The following NPAS3 variants were observed in gnomAD, a reference collection of about 807,000 sequenced individuals.
NPAS3 encodes the protein neuronal PAS domain protein 3.
NPAS3 carries 14 observed loss-of-function variants against 73.1 expected under a neutral mutation model. The observed-to-expected ratio is 0.19, with a 90% CI of 0.13 to 0.30. The LOEUF (loss-of-function observed/expected upper bound fraction) is 0.30, where lower values mean the gene tolerates loss of function less well. Ranked by LOEUF, NPAS3 falls within the 10% of genes least tolerant of loss-of-function variation. The pLI, the probability that NPAS3 is intolerant of heterozygous loss-of-function variation, is 1.00. For synonymous variants in NPAS3, 620 were observed against 541.5 expected, an observed-to-expected ratio of 1.14 and a Z score of -2.01; for missense variants, 1,096 against 1,250.0, an observed-to-expected ratio of 0.88 and a Z score of 1.86.
intron 1 of NPAS3, among the ~76,000 whole-genome samples, chr14:32,962,383 C>T (rs74671604): frequency 0.022 from 3,409 of 151,858 alleles, 103 homozygotes; most frequent in African/African-American, 0.078. Flanking sequence ...ACTTAATAAG[C>T]CATTAATAAA....
At chr14:33,789,530 G>A (rs1345900224) in intron 9 of NPAS3, among the ~76,000 whole-genome samples, 1 of 148,190 alleles carries the variant, frequency 6.7e-6, no homozygotes, top group East Asian at 2.1e-4. Flanking sequence ...TCTAAGAAGA[G>A]GTCATTTAAA....
intron 4 of NPAS3, among the ~76,000 whole-genome samples, chr14:33,390,680 C>A (rs2046963910): frequency 6.6e-6 from 1 of 152,118 alleles, no homozygotes; most frequent in Admixed American, 6.5e-5. Context: ...TTAATCTTTG[C>A]CTGGACTATA....
At chr14:33,513,025 G>C (rs1328936662) in intron 4 of NPAS3, among the ~76,000 whole-genome samples, 1 of 151,994 alleles carries the variant, frequency 6.6e-6, no homozygotes, top group Admixed American at 6.6e-5. Context: ...GTTTTACCTC[G>C]AATTCAGTGG....
chr14:33,286,604 C>G (rs2041885659), intron 3 of NPAS3, among the ~76,000 whole-genome samples: 1 of 152,044 alleles, frequency 6.6e-6, no homozygotes, highest in African/African-American at 2.4e-5. Flanking sequence ...GCCATCTCCT[C>G]TCTAGTGTTG....
chr14:33,441,288 T>A (rs186247207), intron 4 of NPAS3, among the ~76,000 whole-genome samples: 1 of 152,366 alleles, frequency 6.6e-6, no homozygotes, highest in Admixed American at 6.5e-5. Context: ...CCTTTCCTAA[T>A]ATAAAACTTT....
At chr14:33,025,542 A>G (rs1454321828) in intron 1 of NPAS3, among the ~76,000 whole-genome samples, 1 of 152,178 alleles carries the variant, frequency 6.6e-6, no homozygotes, top group Non-Finnish European at 1.5e-5. Context: ...GATCTTAATA[A>G]GTTTCTGATA....
intron 5 of NPAS3, among the ~76,000 whole-genome samples, chr14:33,619,823 A>G (rs951560489): frequency 1.3e-5 from 2 of 152,184 alleles, no homozygotes; most frequent in Admixed American, 6.5e-5. Flanking sequence ...TTTATCTCAT[A>G]TATGTCTTGT....
chr14:32,997,891 G>A (rs1277791092), intron 1 of NPAS3, among the ~76,000 whole-genome samples: 10 of 152,160 alleles, frequency 6.6e-5, no homozygotes, highest in South Asian at 2.1e-4. Context: ...CTAGTCTCGC[G>A]TATGTCTTTA....
chr14:33,295,450 T>C (rs2042258097), intron 3 of NPAS3, among the ~76,000 whole-genome samples: 1 of 152,216 alleles, frequency 6.6e-6, no homozygotes, highest in African/African-American at 2.4e-5. Context: ...TCCCTCAGCC[T>C]TCTAGATACT....
intron 5 of NPAS3, among the ~76,000 whole-genome samples, chr14:33,638,467 T>C (rs1028298901): frequency 2.6e-5 from 4 of 152,134 alleles, no homozygotes; most frequent in Non-Finnish European, 5.9e-5. Context: ...CTTCTTAGTT[T>C]CCTAATCTGT....
intron 3 of NPAS3, among the ~76,000 whole-genome samples, chr14:33,334,517 A>G (rs546530074): frequency 1.3e-5 from 2 of 152,188 alleles, no homozygotes; most frequent in South Asian, 4.1e-4. Context: ...TACTTAGCGT[A>G]GTGTTGTGGG....
chr14:33,419,970 A>G (rs2048306631), intron 4 of NPAS3, among the ~76,000 whole-genome samples: 1 of 151,950 alleles, frequency 6.6e-6, no homozygotes. Context: ...TTTTTTGAAC[A>G]GTGAAAGCTT....
intron 3 of NPAS3, among the ~76,000 whole-genome samples, chr14:33,228,912 G>A (rs763383924): frequency 3.3e-5 from 5 of 151,958 alleles, no homozygotes; most frequent in East Asian, 1.9e-4. Flanking sequence ...ATAAAATATC[G>A]TATTATTTTC....
intron 3 of NPAS3, among the ~76,000 whole-genome samples, chr14:33,340,479 A>G (rs563849103): frequency 1.9e-4 from 29 of 152,368 alleles, no homozygotes; most frequent in African/African-American, 6.7e-4. Context: ...TGGGTGACAG[A>G]GGGAGACTCC....
chr14:33,474,759 T>C (rs979386036), intron 4 of NPAS3, among the ~76,000 whole-genome samples: 3 of 152,064 alleles, frequency 2.0e-5, no homozygotes, highest in Non-Finnish European at 4.4e-5. Context: ...AGGGGAAAAA[T>C]TACAATGCCT....
At chr14:33,149,164 T>C (rs559476768) in intron 2 of NPAS3, among the ~76,000 whole-genome samples, 2 of 152,320 alleles carry the variant, frequency 1.3e-5, no homozygotes, top group Admixed American at 6.5e-5. Context: ...AACAGACTTT[T>C]ATTACTTTAC....
intron 4 of NPAS3, among the ~76,000 whole-genome samples, chr14:33,554,371 G>A (rs1026390558): frequency 1.3e-5 from 2 of 152,184 alleles, no homozygotes; most frequent in African/African-American, 2.4e-5. Flanking sequence ...TATCACGTAT[G>A]GGCATTTTCT....
At chr14:33,658,921 G>A (rs1299890222) in intron 5 of NPAS3, among the ~76,000 whole-genome samples, 3 of 151,928 alleles carry the variant, frequency 2.0e-5, no homozygotes, top group Admixed American at 2.0e-4. Context: ...CCCAACTATG[G>A]GCTCCTGTTA....
intron 4 of NPAS3, among the ~76,000 whole-genome samples, chr14:33,458,633 CTTTA>C (rs2050122760): frequency 6.6e-6 from 1 of 152,164 alleles, no homozygotes; most frequent in Admixed American, 6.5e-5. Flanking sequence ...TGAGATTTCA[CTTTA>C]AAAAGCAGTT....
Sources: allele counts gnomAD v4.1 joint callset (sites outside exome capture counted in the v4.1 genomes callset), GRCh38; gene constraint gnomAD v4.1.1; transcripts MANE v1.5; gene names NCBI Gene and HGNC (gene_info 2026-07-23, HGNC 2026-07-21).